Variants in FANK1 observed in about 807,000 individuals in gnomAD.
FANK1 encodes the protein fibronectin type III and ankyrin repeat domains 1.
Under a neutral mutation model 45.3 loss-of-function variants are expected in FANK1, and 44 were observed. The ratio of observed to expected loss-of-function variants is 0.97; its 90% CI spans 0.76 to 1.25. The LOEUF (loss-of-function observed/expected upper bound fraction) is 1.25. Among genes scored for constraint, FANK1 ranks in the 50% most tolerant of loss-of-function variants. The pLI, the probability that FANK1 is intolerant of heterozygous loss-of-function variation, is 0.00. For synonymous variants in FANK1, 149 were observed against 152.5 expected, an observed-to-expected ratio of 0.98 and a Z score of 0.17; for missense variants, 391 against 424.4, an observed-to-expected ratio of 0.92 and a Z score of 0.69.
intron 1 of FANK1, among the ~76,000 whole-genome samples, chr10:125,946,133 G>A (rs1412084886): frequency 6.6e-6 from 1 of 152,048 alleles, no homozygotes; most frequent in East Asian, 1.9e-4. Flanking sequence ...AAGACCAAAA[G>A]TAGATAAAAC....
At chr10:125,975,213 A>G (rs763237404) in intron 1 of FANK1, among the ~76,000 whole-genome samples, 2 of 152,196 alleles carry the variant, frequency 1.3e-5, no homozygotes, top group Non-Finnish European at 2.9e-5. Context: ...TTCATAGTGT[A>G]TATGTACCAC....
chr10:125,980,331 A>G lies in FANK1; in HGVS notation c.184A>G (p.Ile62Val), dbSNP rs1309913171. ...EDPKMHTYGI[I>V]YTGYATKHVV... Reference sequence around the variant, plus strand: ...CCCCAAAATGCACACTTATGGTATCATTTATACGTAGGTGCAGTGTTGAAT... The same window carrying G: ...CCCCAAAATGCACACTTATGGTATCGTTTATACGTAGGTGCAGTGTTGAAT... The change falls in exon 2 of 11, where the codon ATT becomes GTT. Residue 62 changes from isoleucine to valine, a missense_variant. By Grantham distance (29) the Ile-to-Val change is conservative. Coordinates refer to ENST00000368693, the MANE Select transcript of FANK1 (RefSeq NM_145235.5). 6.2e-7 allele frequency: 1 copy of G among 1,613,412 alleles called. No homozygotes were observed. The highest frequency in any genetic ancestry group is 8.5e-7 in the Non-Finnish European group (1 of 1,179,914).
At chr10:126,001,892 G>C (rs1223994483) in intron 6 of FANK1, among the ~76,000 whole-genome samples, 2 of 152,110 alleles carry the variant, frequency 1.3e-5, no homozygotes, top group East Asian at 3.9e-4. Flanking sequence ...TCACCACCTA[G>C]AGCAAATTCA....
chr10:125,973,767 G>C (rs2134194246), intron 1 of FANK1: 1 of 152,034 alleles, frequency 6.6e-6, no homozygotes, highest in African/African-American at 2.4e-5. Flanking sequence ...CAAATATACT[G>C]GTAAGACCCC....
chr10:126,000,751 C>T (rs771553076), intron 6 of FANK1, among the ~76,000 whole-genome samples: 2 of 152,022 alleles, frequency 1.3e-5, no homozygotes, highest in African/African-American at 4.8e-5. Flanking sequence ...TAAGGACATT[C>T]CAGGGAAATA....
At chr10:125,913,940 C>T (rs1946237040) in intron 1 of FANK1, among the ~76,000 whole-genome samples, 1 of 152,118 alleles carries the variant, frequency 6.6e-6, no homozygotes, top group Non-Finnish European at 1.5e-5. Context: ...GATGGATCAG[C>T]TAAATGAAGG....
chr10:125,906,738 G>A (rs1240985540), intron 1 of FANK1, among the ~76,000 whole-genome samples: 1 of 152,126 alleles, frequency 6.6e-6, no homozygotes, highest in East Asian at 1.9e-4. Context: ...CTTGAACCAA[G>A]AGATTGCTTC....
chr10:125,997,543 CT>C (rs1952434371), intron 6 of FANK1, 58 bp downstream of exon 6: 2 of 1,531,012 alleles, frequency 1.3e-6, no homozygotes, highest in Non-Finnish European at 1.8e-6. Flanking sequence ...TGTTGCTAGG[CT>C]TGTGCCCAGA....
At chr10:125,942,058 C>T (rs1948485450) in intron 1 of FANK1, among the ~76,000 whole-genome samples, 1 of 152,146 alleles carries the variant, frequency 6.6e-6, no homozygotes, top group Admixed American at 6.5e-5. Context: ...ATGGGGTCCA[C>T]ACACCCTTCT....
At chr10:125,939,935 T>A (rs1273743046) in intron 1 of FANK1, among the ~76,000 whole-genome samples, 2 of 139,890 alleles carry the variant, frequency 1.4e-5, no homozygotes, top group African/African-American at 6.2e-5. Context: ...ATTATTATTA[T>A]TTTTTTTTTT....
At chr10:125,897,663 C>T (rs1944665020) in intron 1 of FANK1, among the ~76,000 whole-genome samples, 1 of 152,406 alleles carries the variant, frequency 6.6e-6, no homozygotes, top group Non-Finnish European at 1.5e-5. Context: ...AGAAAGCTTG[C>T]AAGTTGTGAC....
intron 3 of FANK1, among the ~76,000 whole-genome samples, chr10:125,989,766 C>G (rs1303624742): frequency 6.6e-6 from 1 of 152,168 alleles, no homozygotes; most frequent in African/African-American, 2.4e-5. Flanking sequence ...CTCTGGGGTT[C>G]TTAAGAGAAA....
chr10:125,994,707 A>C, intron 3 of FANK1: 1 of 985,432 alleles, frequency 1.0e-6, no homozygotes, highest in Non-Finnish European at 1.2e-6. Flanking sequence ...TGGCTTCTAC[A>C]TAGCCCTTTA....
chr10:125,943,451 T>A (rs1024233890), intron 1 of FANK1, among the ~76,000 whole-genome samples: 4 of 152,196 alleles, frequency 2.6e-5, no homozygotes, highest in Non-Finnish European at 5.9e-5. Flanking sequence ...CTTCAACATT[T>A]TCATCACCCC....
rs1425446381 is a variant in FANK1 at position 125,930,581 on chromosome 10, T to C, written c.13+33926T>C. Among the ~76,000 whole-genome samples, 3 of 151,750 alleles carry C rather than the reference T, an allele frequency of 2.0e-5. No individual in the cohort carries two copies. In the South Asian group the frequency reaches 6.2e-4, roughly 32 times the overall value. ...TTGATCTACTGGGCTCAGGCAATCC[T>C]CCGCTTTGACCTCCAGAAGTTCTGG... On this transcript the variant is annotated intron_variant, in intron 1 of 10. Coordinates refer to ENST00000368693, the MANE Select transcript of FANK1 (RefSeq NM_145235.5).
intron 1 of FANK1, among the ~76,000 whole-genome samples, chr10:125,978,201 A>G (rs890247609): frequency 2.6e-5 from 4 of 152,038 alleles, no homozygotes; most frequent in African/African-American, 9.7e-5. Context: ...TCCCTCTGGG[A>G]GCTTCGTCCC....
chr10:125,961,927 G>A (rs1949951209), intron 1 of FANK1, among the ~76,000 whole-genome samples: 1 of 152,156 alleles, frequency 6.6e-6, no homozygotes, highest in African/African-American at 2.4e-5. Flanking sequence ...CTGGGTGATA[G>A]AGCAGAAGCT....
Position 125,957,149 on chromosome 10 carries a change from C to G in FANK1, c.14-23012C>G, listed in dbSNP as rs116484295. Among the ~76,000 whole-genome samples the G allele has an allele frequency of 4.6e-3, 702 of 152,314 alleles. 3 individuals are homozygous for G. The highest frequency in any genetic ancestry group is 0.016 in the African/African-American group (647 of 41,562). ...GGATTACAGGCGTGAGCCACCGCAC[C>G]TGGCTTACTGTAGACATCTTTAACA... On this transcript the variant is annotated intron_variant, in intron 1 of 10. Transcript: ENST00000368693.
chr10:125,980,272 A>T lies in FANK1; in HGVS notation c.125A>T (p.Glu42Val), dbSNP rs745360421. 1 of 1,614,152 alleles carries T rather than the reference A, an allele frequency of 6.2e-7. No individual in the cohort carries two copies. The highest frequency in any genetic ancestry group is 1.3e-5 in the African/African-American group (1 of 75,048). ...EKKAKRQGPQ[E>V]QWFRFSIEEE... ...AAAGCCAAACGCCAAGGACCTCAAG[A>T]GCAGTGGTTCAGGTTCTCGATTGAA... Residue 42 changes from glutamate to valine, a missense_variant, in exon 2 of 11, where the codon GAG (glutamate) becomes GTG (valine). By Grantham distance (121) the Glu-to-Val change is moderately radical. Transcript: ENST00000368693.
Sources: gnomAD v4.1 joint callset for allele counts (sites outside exome capture counted in the v4.1 genomes callset) on GRCh38, gnomAD v4.1.1 for gene constraint, MANE v1.5 for transcripts, NCBI Gene and HGNC (gene_info 2026-07-23, HGNC 2026-07-21) for gene names.